ATRNL1: variants seen among roughly 807,000 people sequenced by gnomAD.
ATRNL1 encodes the protein attractin-like protein 1.
A neutral mutation model predicts 182.7 loss-of-function variants in ATRNL1; 95 were observed. The observed-to-expected ratio is 0.52, with a 90% CI of 0.44 to 0.62. The LOEUF (loss-of-function observed/expected upper bound fraction) is 0.62, where lower values mean the gene tolerates loss of function less well. ATRNL1 is among the 20% of genes least tolerant of loss of function. ATRNL1 has a pLI of 0.00. For synonymous variants in ATRNL1, 576 were observed against 568.3 expected, an observed-to-expected ratio of 1.01 and a Z score of -0.19; for missense variants, 1,471 against 1,679.5, an observed-to-expected ratio of 0.88 and a Z score of 2.17.
intron 21 of ATRNL1, among the ~76,000 whole-genome samples, chr10:115,451,312 A>T (rs1379332828): frequency 1.3e-5 from 2 of 152,168 alleles, no homozygotes; most frequent in Non-Finnish European, 2.9e-5. Context: ...GAAACTATCA[A>T]CAGAAACTAT....
chr10:115,936,554 T>C (rs1953565535), intron 28 of ATRNL1, among the ~76,000 whole-genome samples: 1 of 152,190 alleles, frequency 6.6e-6, no homozygotes, highest in African/African-American at 2.4e-5. Context: ...AACAGATTAT[T>C]ATTGAAATTA....
chr10:115,587,587 C>G (rs140626856), intron 26 of ATRNL1, among the ~76,000 whole-genome samples: 1 of 126,436 alleles, frequency 7.9e-6, no homozygotes, highest in African/African-American at 2.6e-5. Context: ...TTGCGCTTCC[C>G]GAGTGAGGCA....
At chr10:115,698,011 T>C (rs1216729746) in intron 26 of ATRNL1, among the ~76,000 whole-genome samples, 1 of 152,192 alleles carries the variant, frequency 6.6e-6, no homozygotes, top group African/African-American at 2.4e-5. Flanking sequence ...AGATAGAGTA[T>C]TTTGATTTAT....
intron 20 of ATRNL1, among the ~76,000 whole-genome samples, chr10:115,423,790 A>G (rs533299498): frequency 6.6e-6 from 1 of 152,314 alleles, no homozygotes; most frequent in South Asian, 2.1e-4. Context: ...TAAAGATTTA[A>G]ATGTAAGTCC....
At chr10:115,634,481 A>T (rs559627822) in intron 26 of ATRNL1, among the ~76,000 whole-genome samples, 1 of 152,158 alleles carries the variant, frequency 6.6e-6, no homozygotes, top group Non-Finnish European at 1.5e-5. Flanking sequence ...TTAATTGACC[A>T]CCAGACAGTA....
At chr10:115,490,156 A>G (rs1849226340) in intron 24 of ATRNL1, among the ~76,000 whole-genome samples, 1 of 151,634 alleles carries the variant, frequency 6.6e-6, no homozygotes, top group Non-Finnish European at 1.5e-5. Context: ...TGCCCTTAAC[A>G]TTTTTTTCCT....
At chr10:115,733,614 A>G (rs2134078032) in intron 27 of ATRNL1, among the ~76,000 whole-genome samples, 1 of 152,274 alleles carries the variant, frequency 6.6e-6, no homozygotes, top group Non-Finnish European at 1.5e-5. Context: ...GGACCACATT[A>G]AGCCCAGTCC....
At chr10:115,747,116 T>C (rs1479195396) in intron 27 of ATRNL1, among the ~76,000 whole-genome samples, 1 of 152,110 alleles carries the variant, frequency 6.6e-6, no homozygotes, top group African/African-American at 2.4e-5. Context: ...TGGGATTACT[T>C]TGATAAGGAA....
chr10:115,921,263 C>G (rs935081617), intron 28 of ATRNL1, among the ~76,000 whole-genome samples: 1 of 151,458 alleles, frequency 6.6e-6, no homozygotes, highest in Admixed American at 6.6e-5. Context: ...GAATAAATGA[C>G]AAAAAGAGAA....
intron 19 of ATRNL1, among the ~76,000 whole-genome samples, chr10:115,377,179 G>A (rs1197301645): frequency 2.6e-5 from 4 of 152,046 alleles, no homozygotes; most frequent in African/African-American, 9.7e-5. Flanking sequence ...ATCTTAAATT[G>A]TAGCTCCCAT....
intron 24 of ATRNL1, among the ~76,000 whole-genome samples, chr10:115,499,768 G>A (rs530510954): frequency 1.2e-4 from 18 of 152,276 alleles, no homozygotes; most frequent in African/African-American, 3.1e-4. Flanking sequence ...TTAGTGAGCC[G>A]AGGGATGACG....
chr10:115,917,486 G>GAAAAAAAAAAAAAAAAAAAAAAAA (rs11402332), intron 28 of ATRNL1, among the ~76,000 whole-genome samples: 1 of 131,304 alleles, frequency 7.6e-6, no homozygotes. Flanking sequence ...AAAAAAAAAA[G>GAAAAAAAAAAAAAAAAAAAAAAAA]AAAAAAAAAA....
intron 26 of ATRNL1, among the ~76,000 whole-genome samples, chr10:115,612,120 C>T (rs556962225): frequency 2.6e-4 from 39 of 152,096 alleles, no homozygotes; most frequent in South Asian, 8.3e-4. Flanking sequence ...GGTGTTGTGG[C>T]GGACGCCTGT....
In ATRNL1 at chr10:115,813,259, A is replaced by T. The variant is rs1038684688; in HGVS notation, c.3904-34618A>T. On this transcript the variant is annotated intron_variant, in intron 27 of 28. Coordinates refer to ENST00000355044, the MANE Select transcript of ATRNL1 (RefSeq NM_207303.4). ...AATAATTAAATTAAATTAAATTTTTAAAAAATGAGAGAGGTCCCTGACATC... is the reference window on the plus strand; with the variant it reads ...AATAATTAAATTAAATTAAATTTTTTAAAAATGAGAGAGGTCCCTGACATC... Among the ~76,000 whole-genome samples, 8 of 152,276 alleles carry T rather than the reference A, an allele frequency of 5.3e-5. No individual in the cohort carries two copies. In the East Asian group the frequency reaches 1.4e-3, roughly 26 times the overall value.
At chr10:115,496,812 A>G (rs1849573036) in intron 24 of ATRNL1, among the ~76,000 whole-genome samples, 1 of 152,012 alleles carries the variant, frequency 6.6e-6, no homozygotes, top group African/African-American at 2.4e-5. Flanking sequence ...CCTTCTCTCT[A>G]GCTCCATTTA....
intron 27 of ATRNL1, among the ~76,000 whole-genome samples, chr10:115,816,296 T>C (rs542306480): frequency 7.4e-4 from 112 of 152,242 alleles, no homozygotes; most frequent in African/African-American, 2.6e-3. Flanking sequence ...CTTTTGGCTG[T>C]TACTCCACGG....
At chr10:115,157,540 C>G (rs1341873050) in intron 5 of ATRNL1, among the ~76,000 whole-genome samples, 1 of 151,002 alleles carries the variant, frequency 6.6e-6, no homozygotes, top group Non-Finnish European at 1.5e-5. Flanking sequence ...CCTGGAACTG[C>G]ATTCCCTGCA....
chr10:115,581,637 G>A (rs1424790480), intron 26 of ATRNL1, among the ~76,000 whole-genome samples: 1 of 152,060 alleles, frequency 6.6e-6, no homozygotes, highest in Non-Finnish European at 1.5e-5. Context: ...TATAGCTAAA[G>A]TAGTGGATAA....
intron 28 of ATRNL1, among the ~76,000 whole-genome samples, chr10:115,908,317 AT>A (rs1424888337): frequency 2.6e-5 from 4 of 151,010 alleles, no homozygotes; most frequent in Admixed American, 6.6e-5. Flanking sequence ...GCAAAGCTTC[AT>A]TTTTTTTTCT....
Sources: allele counts gnomAD v4.1 joint callset (sites outside exome capture counted in the v4.1 genomes callset), GRCh38; gene constraint gnomAD v4.1.1; transcripts MANE v1.5; gene names NCBI Gene and HGNC (gene_info 2026-07-23, HGNC 2026-07-21).